Variants in CCDC93 observed in about 807,000 individuals in gnomAD.
CCDC93 encodes CCC complex scaffolding subunit CCDC93.
In CCDC93, 61 loss-of-function variants were observed where a neutral mutation model predicts 108.2. The observed-to-expected ratio is 0.56, with a 90% confidence interval of 0.46 to 0.70. The LOEUF (loss-of-function observed/expected upper bound fraction) is 0.70, where lower values mean the gene tolerates loss of function less well. Ranked by LOEUF, CCDC93 falls within the 30% of genes least tolerant of loss-of-function variation. The pLI is 0.00. For synonymous variants in CCDC93, 276 were observed against 260.4 expected, an observed-to-expected ratio of 1.06 and a Z score of -0.58; for missense variants, 685 against 764.2, an observed-to-expected ratio of 0.90 and a Z score of 1.22.
chr2:117,954,854 G>A (rs1334585877), intron 12 of CCDC93, among the ~76,000 whole-genome samples: 1 of 152,202 alleles, frequency 6.6e-6, no homozygotes, highest in Non-Finnish European at 1.5e-5. Flanking sequence ...GAGTTCTCAG[G>A]AGAACTGATG....
chr2:117,915,674 C>G lies in CCDC93; in HGVS notation c.*4669G>C, dbSNP rs1677658916. 1 of 152,146 alleles carries G rather than the reference C, an allele frequency of 6.6e-6. No individual in the cohort carries two copies. Among genetic ancestry groups the G allele is most frequent in the African/African-American group, 2.4e-5 (1 of 41,412 alleles). The allele number at this position is 152,146 out of a possible 1,614,324, so 9.4% of individuals were successfully genotyped here. A position where few individuals can be genotyped will look rare whatever the true frequency, so the allele number is the denominator to read the frequency against. On this transcript the variant is annotated 3_prime_UTR_variant, in exon 24 of 24. Transcript: ENST00000376300. ...GAAAAGTCATTCCCACCCCTCTTCC[C>G]AGAGGCAATTCAGGCTGCCGGGCTG...
intron 7 of CCDC93, chr2:117,985,373 AAGG>A: frequency 1.0e-5 from 7 of 677,658 alleles, no homozygotes; most frequent in Non-Finnish European, 1.3e-5. Flanking sequence ...AAGGAAGCAC[AAGG>A]AGACTTACTC....
intron 18 of CCDC93, among the ~76,000 whole-genome samples, chr2:117,942,163 G>A (rs935853863): frequency 6.6e-6 from 1 of 152,164 alleles, no homozygotes; most frequent in Non-Finnish European, 1.5e-5. Flanking sequence ...CCAAGGCTAC[G>A]CTCCCCATGG....
intron 18 of CCDC93, 56 bp downstream of exon 18, chr2:117,943,968 G>T (rs376725517): frequency 5.3e-5 from 63 of 1,193,760 alleles, no homozygotes; most frequent in Non-Finnish European, 6.2e-5. Context: ...TATGTCATAG[G>T]ACATTTATAC....
At chr2:117,926,701 C>G (rs1273710508) in intron 23 of CCDC93, among the ~76,000 whole-genome samples, 2 of 152,208 alleles carry the variant, frequency 1.3e-5, no homozygotes, top group Non-Finnish European at 2.9e-5. Flanking sequence ...CAAGGAGGAG[C>G]TGGTACCATT....
chr2:118,009,436 G>T (rs567467909), intron 1 of CCDC93, among the ~76,000 whole-genome samples: 108 of 151,302 alleles, frequency 7.1e-4, no homozygotes, highest in Non-Finnish European at 1.1e-3. Context: ...AGGAGGCCAA[G>T]TGGGGGTGCC....
rs1050436498 is a variant in CCDC93, at chr2:118,000,692, G to C, written c.363+129C>G. 22 of 616,438 alleles carry C rather than the reference G, an allele frequency of 3.6e-5. 1 individual carries two copies. The highest frequency in any genetic ancestry group is 4.4e-4 in the Middle Eastern group (1 of 2,280). 38.2% of individuals were successfully genotyped at this position (616,438 alleles called of 1,614,324 possible). On this transcript the variant is annotated intron_variant, in intron 4 of 23. Transcript: ENST00000376300. ...ACGACAACGAACACCACCATGTTCT[G>C]CTGTACCAAATCTAAGCCACACCCA... is the stretch of plus-strand genomic sequence containing the variant.
intron 11 of CCDC93, among the ~76,000 whole-genome samples, chr2:117,963,834 T>C (rs1440340629): frequency 1.3e-5 from 2 of 152,258 alleles, no homozygotes; most frequent in African/African-American, 4.8e-5. Flanking sequence ...GTTCCAATTA[T>C]CTTTGCAAGT....
rs184176985 is a variant in CCDC93 at position 117,936,526 on chromosome 2, C to T, written c.1643+176G>A. 81 of 633,746 alleles carry T rather than the reference C, an allele frequency of 1.3e-4. No individual in the cohort carries two copies. The East Asian group carries it at 2.0e-3, about 16-fold the overall frequency. 39.3% of individuals were successfully genotyped at this position (633,746 alleles called of 1,614,324 possible). On this transcript the variant is annotated intron_variant, in intron 21 of 23. Transcript: ENST00000376300. Reference sequence around the variant, plus strand: ...TACTATCATTATAGTTTTGCAGGTACTCAAGGAGAGTGTAAACAAGATACT... The same window carrying T: ...TACTATCATTATAGTTTTGCAGGTATTCAAGGAGAGTGTAAACAAGATACT...
chr2:118,007,227 A>G (rs60777166), intron 2 of CCDC93, among the ~76,000 whole-genome samples: 4,743 of 152,354 alleles, frequency 0.031, 270 homozygotes, highest in African/African-American at 0.11. Flanking sequence ...CAAGGCTGAC[A>G]TTTTGTTTCC....
In CCDC93 at chr2:118,013,935, AAGG is replaced by A; in HGVS notation, c.42+16_42+18del. 1.3e-6 allele frequency: 2 copies of A among 1,568,278 alleles called. No individual in the cohort carries two copies. The highest frequency in any genetic ancestry group is 1.9e-5 in the Admixed American group (1 of 53,648). On this transcript the variant is annotated intron_variant, in intron 1 of 23. Coordinates refer to ENST00000376300, the MANE Select transcript of CCDC93 (RefSeq NM_019044.5). ...CTTCAGGAACCCCGACGTGTCAGGG[AAGG>A]AGGAGGCGTTCTTACCTCCGGGAGA...
At chr2:117,946,624 C>T (rs1366587764) in intron 16 of CCDC93, among the ~76,000 whole-genome samples, 187 bp downstream of exon 16, 2 of 152,180 alleles carry the variant, frequency 1.3e-5, no homozygotes, top group Non-Finnish European at 2.9e-5. Flanking sequence ...CCCTCTGCTG[C>T]CTTCTACTCC....
chr2:117,959,759 T>A (rs1679330267), intron 11 of CCDC93, among the ~76,000 whole-genome samples: 2 of 152,226 alleles, frequency 1.3e-5, no homozygotes, highest in Admixed American at 1.3e-4. Context: ...CATTTATTAT[T>A]ACAACACATT....
intron 23 of CCDC93, among the ~76,000 whole-genome samples, chr2:117,922,079 C>T (rs1414679958): frequency 1.3e-5 from 2 of 152,112 alleles, no homozygotes; most frequent in Non-Finnish European, 2.9e-5. Flanking sequence ...TGTTATACTA[C>T]ACTCTCTACT....
chr2:117,928,255 A>G (rs1326833076), intron 23 of CCDC93, among the ~76,000 whole-genome samples: 1 of 152,220 alleles, frequency 6.6e-6, no homozygotes, highest in Non-Finnish European at 1.5e-5. Context: ...GCCAAAATTG[A>G]CAAGTGGGAT....
chr2:117,930,469 G>A (rs779087343), intron 23 of CCDC93, among the ~76,000 whole-genome samples: 33 of 152,220 alleles, frequency 2.2e-4, no homozygotes, highest in Non-Finnish European at 2.9e-4. Context: ...TCAGTTGAGT[G>A]TTGGGTGTTA....
rs894746147 is a variant in CCDC93 at position 117,950,866 on chromosome 2, C to T, written c.1069-1471G>A. The T allele has an allele frequency of 3.0e-6, 3 of 985,314 alleles. No homozygotes were observed. In the African/African-American group the frequency reaches 5.2e-5, roughly 17 times the overall value. The allele number at this position is 985,314 out of a possible 1,614,324, so 61.0% of individuals were successfully genotyped here. The stretch of plus-strand genomic sequence containing the variant: ...CAGGCTGCCTGTATTTGAATCCTGA[C>T]ACCCGGCTGCATGGCCTCTCTGCCT... On this transcript the variant is annotated intron_variant, in intron 13 of 23. Coordinates refer to ENST00000376300, the MANE Select transcript of CCDC93 (RefSeq NM_019044.5).
intron 6 of CCDC93, among the ~76,000 whole-genome samples, chr2:117,987,724 A>T (rs1464212570): frequency 6.6e-6 from 1 of 152,232 alleles, no homozygotes; most frequent in African/African-American, 2.4e-5. Flanking sequence ...ATAATTCCTT[A>T]AAAAATGTAG....
At chr2:117,942,663 G>A (rs116818823) in intron 18 of CCDC93, among the ~76,000 whole-genome samples, 1 of 152,152 alleles carries the variant, frequency 6.6e-6, no homozygotes, top group Non-Finnish European at 1.5e-5. Context: ...GAGATCCCTT[G>A]TTTTGCTCTG....
Sources: gnomAD v4.1 joint callset for allele counts (sites outside exome capture counted in the v4.1 genomes callset) on GRCh38, gnomAD v4.1.1 for gene constraint, MANE v1.5 for transcripts, NCBI Gene and HGNC (gene_info 2026-07-23, HGNC 2026-07-21) for gene names.